EFCAB8: variants seen among roughly 807,000 people sequenced by gnomAD.
EFCAB8 encodes the protein EF-hand calcium-binding domain-containing protein 8.
A neutral mutation model predicts 116.3 loss-of-function variants in EFCAB8; 100 were observed. That is an observed-to-expected ratio of 0.86 (90% CI 0.73 to 1.02). The LOEUF is 1.02. Ranked by LOEUF, EFCAB8 falls within the 50% of genes least tolerant of loss-of-function variation. EFCAB8 has a pLI of 0.00. For synonymous variants in EFCAB8, 558 were observed against 567.9 expected, an observed-to-expected ratio of 0.98 and a Z score of 0.25; for missense variants, 1,320 against 1,416.9, an observed-to-expected ratio of 0.93 and a Z score of 1.10.
At chr20:32,868,937 G>A (rs1296004905) in intron 3 of EFCAB8, among the ~76,000 whole-genome samples, 2 of 151,804 alleles carry the variant, frequency 1.3e-5, no homozygotes, top group Non-Finnish European at 2.9e-5. Flanking sequence ...GTGAGCCAAG[G>A]TCATGCCACT....
At chr20:32,885,119 C>T (rs961323631) in intron 5 of EFCAB8, among the ~76,000 whole-genome samples, 1 of 132,272 alleles carries the variant, frequency 7.6e-6, no homozygotes, top group East Asian at 2.0e-4. Context: ...CAGCCTCAGG[C>T]TCCACTCTGC....
intron 1 of EFCAB8, among the ~76,000 whole-genome samples, chr20:32,862,778 C>T (rs1405196288): frequency 6.6e-6 from 1 of 152,058 alleles, no homozygotes; most frequent in Non-Finnish European, 1.5e-5. Flanking sequence ...CAGGAACCTG[C>T]CACCAAACCC....
At position 32,940,028 on chromosome 20, in the gene EFCAB8, CCTTCCTTCCTTCCTT is replaced by C. The variant is rs1568942543; in HGVS notation, c.2791-3606_2791-3592del. On this transcript the variant is annotated intron_variant, in intron 22 of 26. Transcript: ENST00000400522. ...GCCTCCCTCCCTCCCTCCCTCCCTT[CCTTCCTTCCTTCCTT>C]CCTTCCTTCCTTCCTTCCTTCCTTC... is the stretch of plus-strand genomic sequence containing the variant. Among the ~76,000 whole-genome samples, 89 of 62,698 alleles carry C rather than the reference CCTTCCTTCCTTCCTT, an allele frequency of 1.4e-3. 12 individuals carry two copies. Among genetic ancestry groups the C allele is most frequent in the African/African-American group, 4.3e-3 (61 of 14,094 alleles). 41.1% of individuals were successfully genotyped at this position (62,698 alleles called of 152,430 possible).
chr20:32,927,572 T>A (rs1205807123), intron 20 of EFCAB8, among the ~76,000 whole-genome samples: 2 of 152,194 alleles, frequency 1.3e-5, no homozygotes, highest in Non-Finnish European at 2.9e-5. Context: ...CTTGAACTCC[T>A]GACCTCAGGT....
At chr20:32,860,351 T>C (rs1260552282) in intron 1 of EFCAB8, among the ~76,000 whole-genome samples, 1 of 151,992 alleles carries the variant, frequency 6.6e-6, no homozygotes, top group Non-Finnish European at 1.5e-5. Context: ...TATCCTGTAA[T>C]GTGGGTTTGT....
intron 4 of EFCAB8, among the ~76,000 whole-genome samples, chr20:32,877,207 C>CTTTTTTTTTTTTTTTT (rs757130907): frequency 8.7e-6 from 1 of 115,054 alleles, no homozygotes; most frequent in Non-Finnish European, 1.8e-5. Context: ...TTATTTCTTT[C>CTTTTTTTTTTTTTTTT]TTTTTTTTTT....
chr20:32,871,098 C>A (rs1227036995), intron 3 of EFCAB8, among the ~76,000 whole-genome samples: 1 of 151,990 alleles, frequency 6.6e-6, no homozygotes, highest in African/African-American at 2.4e-5. Context: ...GGTGATCCAC[C>A]TGTCTCGCCT....
chr20:32,899,404 CAAA>C (rs113891250), intron 11 of EFCAB8, among the ~76,000 whole-genome samples: 2 of 93,694 alleles, frequency 2.1e-5, no homozygotes. Context: ...GACTCCGTCT[CAAA>C]AAAAAAAAAA....
chr20:32,959,496 A>T (rs1042346895), intron 24 of EFCAB8, among the ~76,000 whole-genome samples: 1 of 152,218 alleles, frequency 6.6e-6, no homozygotes, highest in Non-Finnish European at 1.5e-5. Flanking sequence ...TAAATAGTCC[A>T]CAAGGGGAGG....
intron 18 of EFCAB8, among the ~76,000 whole-genome samples, chr20:32,917,752 A>G (rs1472167420): frequency 2.0e-5 from 3 of 152,180 alleles, no homozygotes; most frequent in South Asian, 2.1e-4. Flanking sequence ...GAAGGAGTAG[A>G]CCCAAACCCA....
At chr20:32,862,777 G>A (rs1331811982) in intron 1 of EFCAB8, among the ~76,000 whole-genome samples, 1 of 151,982 alleles carries the variant, frequency 6.6e-6, no homozygotes, top group Admixed American at 6.6e-5. Flanking sequence ...ACAGGAACCT[G>A]CCACCAAACC....
At chr20:32,960,977 A>G (rs1393912463) in intron 26 of EFCAB8, among the ~76,000 whole-genome samples, 159 bp from the exon 27 acceptor site, 1 of 152,220 alleles carries the variant, frequency 6.6e-6, no homozygotes, top group East Asian at 1.9e-4. Flanking sequence ...ATGGGCCCGC[A>G]GGCCACGGTG....
chr20:32,924,850 T>C (rs913855969), intron 20 of EFCAB8, among the ~76,000 whole-genome samples: 21 of 152,330 alleles, frequency 1.4e-4, no homozygotes, highest in African/African-American at 5.1e-4. Flanking sequence ...CTCTGGATGC[T>C]GACCCTCACC....
chr20:32,906,479 C>G (rs1374533247), intron 11 of EFCAB8, 83 bp from the exon 12 acceptor site: 2 of 710,200 alleles, frequency 2.8e-6, no homozygotes, highest in African/African-American at 3.5e-5. Flanking sequence ...GCCTCTAGCT[C>G]CTCCCACCCC....
chr20:32,920,131 A>G lies in EFCAB8; in HGVS notation c.2328A>G (p.Lys776=), dbSNP rs1422001782. 2 of 1,551,720 alleles carry G rather than the reference A, an allele frequency of 1.3e-6. No individual in the cohort carries two copies. Among genetic ancestry groups the G allele is most frequent in the Middle Eastern group, 1.7e-4 (1 of 5,992 alleles). ...GGCAGTCAAGCAAGATCCACAGCAA[A>G]CAGTCCATTTACAAAGAGGATGAAA... ...TSRQSSKIHS[K]QSIYKEDETR... is the part of the protein sequence containing the mutation. The change falls in exon 20 of 27, where the codon AAA becomes AAG. Residue 776 remains lysine (K), a synonymous_variant. Transcript: ENST00000400522.
rs1416589843 is a variant in EFCAB8, at chr20:32,930,619, G to A, written c.2631+3G>A. The A allele has an allele frequency of 6.4e-7, 1 of 1,552,012 alleles. No individual in the cohort carries two copies. Among genetic ancestry groups the A allele is most frequent in the Admixed American group, 2.0e-5 (1 of 51,020 alleles). On this transcript the variant is annotated splice_donor_region_variant and intron_variant, in intron 21 of 26. Coordinates refer to ENST00000400522, the MANE Select transcript of EFCAB8 (RefSeq NM_001143967.2). ...GGGATTGTAAAGGATACATCAAGGT[G>A]AGGAAGAACTGGCAGGAAGATTGAG...
At chr20:32,889,568 C>T (rs762440969) in intron 7 of EFCAB8, among the ~76,000 whole-genome samples, 162 bp downstream of exon 7, 5 of 152,088 alleles carry the variant, frequency 3.3e-5, no homozygotes, top group East Asian at 3.9e-4. Context: ...AGGGGGTGGT[C>T]GGTGAATGCT....
chr20:32,948,999 GA>G lies in EFCAB8; in HGVS notation c.2959+5204del, dbSNP rs797015095. 8.0e-5 allele frequency among the ~76,000 whole-genome samples: 12 copies of G among 149,718 alleles called. No individual in the cohort carries two copies. The East Asian group carries it at 1.2e-3, about 15-fold the overall frequency. On this transcript the variant is annotated intron_variant, in intron 23 of 26. Coordinates refer to ENST00000400522, the MANE Select transcript of EFCAB8 (RefSeq NM_001143967.2). Reference sequence around the variant, plus strand: ...GAAGAGTAGAGGGCAATTACAGAAGGAAAAAAAAAGGCATTCAGATTGGAAA... The same window carrying G: ...GAAGAGTAGAGGGCAATTACAGAAGGAAAAAAAAGGCATTCAGATTGGAAA...
chr20:32,924,781 G>A (rs562922328), intron 20 of EFCAB8, among the ~76,000 whole-genome samples: 1 of 152,308 alleles, frequency 6.6e-6, no homozygotes, highest in East Asian at 1.9e-4. Flanking sequence ...AAGATTGAAT[G>A]TCTATTGGTG....
Sources: gnomAD v4.1 joint callset for allele counts (sites outside exome capture counted in the v4.1 genomes callset) on GRCh38, gnomAD v4.1.1 for gene constraint, MANE v1.5 for transcripts, NCBI Gene and HGNC (gene_info 2026-07-23, HGNC 2026-07-21) for gene names.